Variants in RALGPS2 observed in about 807,000 individuals in gnomAD.
The protein encoded by RALGPS2 is Ral GEF with PH domain and SH3 binding motif 2.
In RALGPS2, 43 loss-of-function variants were observed where a neutral mutation model predicts 86.8. That is an observed-to-expected ratio of 0.50 (90% CI 0.39 to 0.64). RALGPS2 has a LOEUF of 0.64. RALGPS2 is among the 30% of genes least tolerant of loss of function. The pLI, the probability that RALGPS2 is intolerant of heterozygous loss-of-function variation, is 0.00. For synonymous variants in RALGPS2, 243 were observed against 231.3 expected (o/e 1.05, Z -0.46); for missense variants, 536 against 694.6 (o/e 0.77, Z 2.57).
At chr1:178,811,538 T>C (rs1213991267) in intron 6 of RALGPS2, 134 bp downstream of exon 6, 15 of 603,048 alleles carry the variant, frequency 2.5e-5, no homozygotes, top group Non-Finnish European at 3.9e-5. Context: ...AGTCAATTTT[T>C]AAAATTGGAT....
intron 17 of RALGPS2, among the ~76,000 whole-genome samples, chr1:178,901,546 C>A (rs960513172): frequency 1.3e-5 from 2 of 151,816 alleles, no homozygotes; most frequent in Non-Finnish European, 2.9e-5. Flanking sequence ...TGGTTAACTA[C>A]AAAAGTAATA....
chr1:178,735,848 A>G (rs966039304), intron 1 of RALGPS2, among the ~76,000 whole-genome samples: 1 of 152,106 alleles, frequency 6.6e-6, no homozygotes, highest in African/African-American at 2.4e-5. Flanking sequence ...GATAGTTTCT[A>G]CTATCATTTT....
chr1:178,777,720 G>A (rs1653166469), intron 2 of RALGPS2, among the ~76,000 whole-genome samples: 1 of 152,114 alleles, frequency 6.6e-6, no homozygotes, highest in Admixed American at 6.5e-5. Flanking sequence ...ACAGAACAGA[G>A]CCCTCGGAAA....
At chr1:178,877,355 A>T in intron 8 of RALGPS2, 143 bp from the exon 9 acceptor site, 3 of 1,275,358 alleles carry the variant, frequency 2.4e-6, no homozygotes, top group Non-Finnish European at 3.1e-6. Context: ...TATGTTACCC[A>T]GGCTTCAGTG....
At chr1:178,816,871 G>A (rs1350847963) in intron 6 of RALGPS2, among the ~76,000 whole-genome samples, 3 of 151,720 alleles carry the variant, frequency 2.0e-5, no homozygotes, top group Non-Finnish European at 4.4e-5. Context: ...ACCACGCCCA[G>A]CTAATTTTTG....
intron 4 of RALGPS2, among the ~76,000 whole-genome samples, chr1:178,786,716 T>A (rs958132167): frequency 2.0e-5 from 3 of 151,946 alleles, no homozygotes; most frequent in Non-Finnish European, 2.9e-5. Context: ...TCATTGATAA[T>A]CCTGAAATTC....
intron 1 of RALGPS2, among the ~76,000 whole-genome samples, chr1:178,755,819 C>T (rs1651930066): frequency 6.6e-6 from 1 of 152,138 alleles, no homozygotes; most frequent in Non-Finnish European, 1.5e-5. Context: ...GTGTGTAAGC[C>T]TTCCCTTTTC....
intron 8 of RALGPS2, among the ~76,000 whole-genome samples, chr1:178,840,484 T>G (rs564813921): frequency 0.04 from 6,049 of 152,236 alleles, 158 homozygotes; most frequent in African/African-American, 0.068. Context: ...CCAGAATCTC[T>G]GGGACACATT....
intron 4 of RALGPS2, among the ~76,000 whole-genome samples, chr1:178,789,825 A>G (rs1189706688): frequency 1.3e-5 from 2 of 152,238 alleles, no homozygotes; most frequent in Non-Finnish European, 2.9e-5. Flanking sequence ...ACTGGCACAT[A>G]GTGGAAGCTC....
At chr1:178,835,011 C>G (rs1656206477) in intron 8 of RALGPS2, among the ~76,000 whole-genome samples, 1 of 152,170 alleles carries the variant, frequency 6.6e-6, no homozygotes, top group Admixed American at 6.5e-5. Flanking sequence ...CTCCTGGCCT[C>G]AAGTGATCCG....
At chr1:178,805,883 A>C (rs1169822268) in intron 4 of RALGPS2, among the ~76,000 whole-genome samples, 2 of 152,042 alleles carry the variant, frequency 1.3e-5, no homozygotes, top group Non-Finnish European at 2.9e-5. Flanking sequence ...TCCATCACTA[A>C]ATTTCTGCCA....
chr1:178,773,575 T>C (rs1395886870), intron 1 of RALGPS2, among the ~76,000 whole-genome samples: 1 of 152,166 alleles, frequency 6.6e-6, no homozygotes, highest in East Asian at 1.9e-4. Context: ...TCTGTTATAC[T>C]TCAACATTAT....
chr1:178,747,446 A>G (rs1263718740), intron 1 of RALGPS2: 1 of 1,590,242 alleles, frequency 6.3e-7, no homozygotes, highest in South Asian at 1.1e-5. Flanking sequence ...TTTAAACAGC[A>G]TCTCTTGGTC....
chr1:178,796,021 G>A lies in RALGPS2; in HGVS notation c.213+10414G>A, dbSNP rs150758453. Among the ~76,000 whole-genome samples, 17 of 152,266 alleles carry A rather than the reference G, an allele frequency of 1.1e-4. No individual in the cohort carries two copies. The East Asian group carries it at 1.5e-3, about 14-fold the overall frequency. The stretch of plus-strand genomic sequence containing the variant: ...ATAAACCAATTGCTGTGTTAGAAGC[G>A]AGTTGCCGCTGTTTTGTCAGTTTGT... On this transcript the variant is annotated intron_variant, in intron 4 of 19. Transcript: ENST00000367635.
At chr1:178,878,202 A>C (rs1659079139) in intron 9 of RALGPS2, among the ~76,000 whole-genome samples, 1 of 152,106 alleles carries the variant, frequency 6.6e-6, no homozygotes. Context: ...CAGCTACATA[A>C]GCCCAAATGA....
intron 1 of RALGPS2, among the ~76,000 whole-genome samples, chr1:178,754,044 G>T (rs1346036947): frequency 2.0e-5 from 3 of 151,798 alleles, no homozygotes; most frequent in Non-Finnish European, 4.4e-5. Context: ...GTATGGTCTT[G>T]ATATCCTGAC....
intron 10 of RALGPS2, 90 bp downstream of exon 10, chr1:178,879,082 G>A: frequency 6.7e-7 from 1 of 1,502,462 alleles, no homozygotes; most frequent in African/African-American, 1.4e-5. Context: ...AATCCTACAT[G>A]GTATCATACA....
intron 19 of RALGPS2, among the ~76,000 whole-genome samples, chr1:178,911,134 T>C (rs1324040522): frequency 6.6e-6 from 1 of 152,134 alleles, no homozygotes; most frequent in Admixed American, 6.5e-5. Context: ...ATTATTTGGA[T>C]CTTTTCTCTT....
At position 178,883,386 on chromosome 1, in the gene RALGPS2, G is replaced by A. The variant is rs900235000; in HGVS notation, c.837-80G>A. On this transcript the variant is annotated intron_variant, in intron 10 of 19. Coordinates refer to ENST00000367635, the MANE Select transcript of RALGPS2 (RefSeq NM_152663.5). ...TCATAAAAATGTTTTTAGTTTTTTT[G>A]TGAGAAAATACACAACTTTAATCTT... The A allele has an allele frequency of 3.8e-5, 43 of 1,127,526 alleles. No individual in the cohort carries two copies. In the African/African-American group the frequency reaches 5.7e-4, roughly 15 times the overall value. The allele number at this position is 1,127,526 out of a possible 1,614,324, so 69.8% of individuals were successfully genotyped here.
Sources: gnomAD v4.1 joint callset for allele counts (sites outside exome capture counted in the v4.1 genomes callset) on GRCh38, gnomAD v4.1.1 for gene constraint, MANE v1.5 for transcripts, NCBI Gene and HGNC (gene_info 2026-07-23, HGNC 2026-07-21) for gene names.